Variants in SMAD2 observed in about 807,000 individuals in gnomAD.
SMAD2 encodes the protein MAD homolog 2.
A neutral mutation model predicts 64.4 loss-of-function variants in SMAD2; 8 were observed. The ratio of observed to expected loss-of-function variants is 0.12; its 90% CI spans 0.07 to 0.22. The LOEUF is 0.22. Among genes scored for constraint, SMAD2 ranks in the 10% least tolerant of loss-of-function variants. The pLI is 1.00. For synonymous variants in SMAD2, 203 were observed against 195.8 expected (o/e 1.04, Z -0.31); for missense variants, 289 against 561.2 (o/e 0.51, Z 4.90).
intron 2 of SMAD2, among the ~76,000 whole-genome samples, chr18:47,885,132 TACACACAC>T (rs57342899): frequency 0.033 from 4,722 of 142,092 alleles, 135 homozygotes; most frequent in East Asian, 0.06. Flanking sequence ...TTTAGTCATA[TACACACAC>T]ACACACACAC....
intron 4 of SMAD2, 91 bp downstream of exon 4, chr18:47,869,152 C>T (rs1002282057): frequency 1.1e-6 from 1 of 903,774 alleles, no homozygotes; most frequent in Non-Finnish European, 1.8e-6. Context: ...AGAATTTACA[C>T]TAAAATTTTC....
intron 1 of SMAD2, among the ~76,000 whole-genome samples, chr18:47,916,604 C>T (rs2034346857): frequency 6.6e-6 from 1 of 152,124 alleles, no homozygotes; most frequent in Non-Finnish European, 1.5e-5. Context: ...AGGGCTTCAC[C>T]ATGTTGGCCA....
chr18:47,859,052 A>G (rs562708590), intron 6 of SMAD2, among the ~76,000 whole-genome samples: 2 of 152,272 alleles, frequency 1.3e-5, no homozygotes, highest in South Asian at 4.1e-4. Flanking sequence ...AAACAATTAA[A>G]AATATATCAT....
At chr18:47,850,659 TATATACTATATATATATTATATATATA>T (rs1915358149) in intron 7 of SMAD2, among the ~76,000 whole-genome samples, 1 of 17,982 alleles carries the variant, frequency 5.6e-5, no homozygotes, top group South Asian at 2.3e-3. Context: ...TAATATATAT[TATATACTATATATATATTATATATATA>T]ATGTATAATA....
intron 6 of SMAD2, among the ~76,000 whole-genome samples, chr18:47,855,411 T>C (rs2030583169): frequency 6.6e-6 from 1 of 152,150 alleles, no homozygotes; most frequent in Admixed American, 6.5e-5. Flanking sequence ...GGTAAGAATA[T>C]AGTTAGTTTT....
intron 2 of SMAD2, among the ~76,000 whole-genome samples, chr18:47,894,134 T>A (rs572285313): frequency 6.6e-6 from 1 of 152,294 alleles, no homozygotes; most frequent in Admixed American, 6.5e-5. Flanking sequence ...CTGCTGTACC[T>A]CCCTAAAAGA....
Position 47,823,875 on chromosome 18 carries a change from C to T in SMAD2, c.*17952G>A, listed in dbSNP as rs1400938700. On this transcript the variant is annotated 3_prime_UTR_variant, in exon 11 of 11. Coordinates refer to ENST00000262160, the MANE Select transcript of SMAD2 (RefSeq NM_005901.6). ...GCCAAATTTTCTGCAGAAAGAAGTA[C>T]AATTCCTAACAGAATAATGCTAGCC... 1 of 152,140 alleles carries T rather than the reference C, an allele frequency of 6.6e-6. No individual in the cohort carries two copies. The allele number at this position is 152,140 out of a possible 1,614,324, so 9.4% of individuals were successfully genotyped here.
In SMAD2 at chr18:47,820,918, C is replaced by G. The variant is rs1490719037; in HGVS notation, c.*20909G>C. The stretch of plus-strand genomic sequence containing the variant: ...CTATACACACACACACACACACACA[C>G]ACACACACACACACACACACACAAA... On this transcript the variant is annotated 3_prime_UTR_variant, in exon 11 of 11. Transcript: ENST00000262160. The G allele has an allele frequency of 6.9e-6, 1 of 145,104 alleles. No individual in the cohort carries two copies. Among genetic ancestry groups the G allele is most frequent in the African/African-American group, 2.7e-5 (1 of 37,114 alleles). 9.0% of individuals were successfully genotyped at this position (145,104 alleles called of 1,614,324 possible). A position where few individuals can be genotyped will look rare whatever the true frequency, so the allele number is the denominator to read the frequency against.
At chr18:47,921,087 G>C (rs1350740880) in intron 1 of SMAD2, among the ~76,000 whole-genome samples, 1 of 152,216 alleles carries the variant, frequency 6.6e-6, no homozygotes, top group African/African-American at 2.4e-5. Context: ...ACCCCTGGCA[G>C]TCAAGGTTGC....
intron 6 of SMAD2, among the ~76,000 whole-genome samples, chr18:47,860,753 A>G (rs898220771): frequency 6.6e-6 from 1 of 152,204 alleles, no homozygotes; most frequent in Non-Finnish European, 1.5e-5. Flanking sequence ...ATTCTCAAAA[A>G]TAAAACAATT....
rs1024235978 is a variant in SMAD2 at position 47,834,727 on chromosome 18, G to A, written c.*7100C>T. 1.4e-5 allele frequency: 3 copies of A among 220,992 alleles called. No homozygotes were observed. The highest frequency in any genetic ancestry group is 6.7e-5 in the African/African-American group (3 of 44,630). The allele number at this position is 220,992 out of a possible 1,614,324, so 13.7% of individuals were successfully genotyped here. On this transcript the variant is annotated 3_prime_UTR_variant, in exon 11 of 11. Transcript: ENST00000262160. ...GTATAAAAGCTCACTCTTGAAATCT[G>A]TTTTCAGACAAATCTTCTAAAGGTT...
chr18:47,910,785 C>T (rs982786718), intron 1 of SMAD2, among the ~76,000 whole-genome samples: 1 of 152,112 alleles, frequency 6.6e-6, no homozygotes, highest in Admixed American at 6.5e-5. Context: ...ATGTGACATG[C>T]AAAATATGGG....
At chr18:47,873,631 C>T (rs369516690) in intron 2 of SMAD2, among the ~76,000 whole-genome samples, 5 of 152,276 alleles carry the variant, frequency 3.3e-5, no homozygotes, top group African/African-American at 9.6e-5. Flanking sequence ...GGCAGAGCAG[C>T]CTCAATTAGG....
At chr18:47,869,143 G>A (rs1450852084) in intron 4 of SMAD2, 100 bp downstream of exon 4, 42 of 833,776 alleles carry the variant, frequency 5.0e-5, no homozygotes, top group Non-Finnish European at 2.7e-5. Flanking sequence ...TAATTTATTA[G>A]AATTTACACT....
rs749758342 is a variant in SMAD2 at position 47,896,731 on chromosome 18, G to A, written c.26C>T (p.Pro9Leu). 4 of 1,613,960 alleles carry A rather than the reference G, an allele frequency of 2.5e-6. No homozygotes were observed. Among genetic ancestry groups the A allele is most frequent in the Non-Finnish European group, 1.7e-6 (2 of 1,179,982 alleles). The stretch of plus-strand genomic sequence containing the variant: ...TCCCAGCAGTCTCTTCACAACTGGC[G>A]GCGTGAATGGCAAGATGGACGACAT... The part of the protein sequence containing the change: MSSILPFT[P>L]PVVKRLLGWK... The change falls in exon 2 of 11, where the codon CCG becomes CTG. Residue 9 changes from proline (P) to leucine (L), a missense_variant. This residue lies in a region of SMAD2 where 89 missense variants were observed against 137.1 expected (regional missense o/e 0.65). Transcript: ENST00000262160.
chr18:47,856,164 C>A (rs1011246823), intron 6 of SMAD2, among the ~76,000 whole-genome samples: 3 of 150,528 alleles, frequency 2.0e-5, no homozygotes, highest in African/African-American at 4.9e-5. Flanking sequence ...AAGCCAAATA[C>A]ATAGAAACAT....
chr18:47,923,133 T>G (rs2034630081), intron 1 of SMAD2, among the ~76,000 whole-genome samples: 1 of 150,938 alleles, frequency 6.6e-6, no homozygotes, highest in African/African-American at 2.4e-5. Flanking sequence ...TATAATCAAC[T>G]TGTAAACACG....
chr18:47,850,046 T>C (rs1914951070), intron 7 of SMAD2, among the ~76,000 whole-genome samples: 1 of 149,022 alleles, frequency 6.7e-6, no homozygotes, highest in South Asian at 2.1e-4. Flanking sequence ...TATTAGTTTT[T>C]ACTGTCGTAT....
Position 47,812,905 on chromosome 18 carries a change from CAG to C in SMAD2, c.*28920_*28921del, listed in dbSNP as rs1004196714. 7 of 152,216 alleles carry C rather than the reference CAG, an allele frequency of 4.6e-5. No homozygotes were observed. Among genetic ancestry groups the C allele is most frequent in the African/African-American group, 1.4e-4 (6 of 41,420 alleles). 9.4% of individuals were successfully genotyped at this position (152,216 alleles called of 1,614,324 possible). On this transcript the variant is annotated 3_prime_UTR_variant, in exon 11 of 11. Transcript: ENST00000262160. ...ATAGGGGTGGTTAAGGAAGACTCTG[CAG>C]AGAGGATGGAATTTAAACTGGGTTC...
Sources: gnomAD v4.1 joint callset for allele counts (sites outside exome capture counted in the v4.1 genomes callset) on GRCh38, gnomAD v4.1.1 for gene constraint, gnomAD v4.1.1 regional missense constraint, MANE v1.5 for transcripts, NCBI Gene and HGNC (gene_info 2026-07-23, HGNC 2026-07-21) for gene names.